The following NTM variants were observed in gnomAD, a reference collection of about 807,000 sequenced individuals.
NTM encodes IgLON family member 2.
In NTM, 13 loss-of-function variants were observed where a neutral mutation model predicts 42.1. That is an observed-to-expected ratio of 0.31 (90% CI 0.20 to 0.49). NTM has a LOEUF of 0.49. Ranked by LOEUF, NTM falls within the 20% of genes least tolerant of loss-of-function variation. NTM has a pLI of 0.99. For synonymous variants in NTM, 187 were observed against 179.2 expected (o/e 1.04, Z -0.35); for missense variants, 373 against 452.8 (o/e 0.82, Z 1.60).
At position 132,036,245 on chromosome 11, in the gene NTM, T is replaced by C. The variant is rs73587319; in HGVS notation, c.168-110037T>C. Among the ~76,000 whole-genome samples the C allele has an allele frequency of 2.3e-3, 354 of 152,276 alleles. 1 individual carries two copies. The highest frequency in any genetic ancestry group is 7.9e-3 in the African/African-American group (328 of 41,534). ...CTGTGATGCTATTTGTTCTCCTCAA[T>C]TGGCCTGGTGATAATAACAGCATGC... On this transcript the variant is annotated intron_variant, in intron 2 of 8. Transcript: ENST00000683400.
intron 1 of NTM, among the ~76,000 whole-genome samples, chr11:131,673,195 G>C (rs1255404524): frequency 1.3e-5 from 2 of 152,112 alleles, no homozygotes; most frequent in Non-Finnish European, 2.9e-5. Flanking sequence ...GGATCAAGAA[G>C]GTGACCCCAG....
At chr11:132,180,859 C>A (rs551146520) in intron 3 of NTM, among the ~76,000 whole-genome samples, 1 of 152,140 alleles carries the variant, frequency 6.6e-6, no homozygotes, top group South Asian at 2.1e-4. Context: ...TACTACCAGC[C>A]CCAGGCCAAC....
At chr11:131,715,547 C>T (rs1034960812) in intron 1 of NTM, among the ~76,000 whole-genome samples, 1 of 152,184 alleles carries the variant, frequency 6.6e-6, no homozygotes, top group African/African-American at 2.4e-5. Flanking sequence ...ATTTCGTGCA[C>T]ATTTGTGCAA....
At chr11:132,086,070 A>T (rs2136334466) in intron 2 of NTM, among the ~76,000 whole-genome samples, 1 of 152,272 alleles carries the variant, frequency 6.6e-6, no homozygotes, top group East Asian at 1.9e-4. Context: ...CACGCCTGTA[A>T]TCCCAGCACT....
chr11:131,585,498 C>G (rs896554352), intron 1 of NTM, among the ~76,000 whole-genome samples: 4 of 152,180 alleles, frequency 2.6e-5, no homozygotes, highest in African/African-American at 9.6e-5. Flanking sequence ...CCTCTCTGCC[C>G]GCAGAGGGCG....
At chr11:132,201,303 C>A (rs942035459) in intron 3 of NTM, among the ~76,000 whole-genome samples, 3 of 152,152 alleles carry the variant, frequency 2.0e-5, no homozygotes, top group African/African-American at 7.2e-5. Context: ...GGGAGAGAAG[C>A]AACTAATGGA....
chr11:131,375,217 G>T (rs1306348640), intron 1 of NTM, among the ~76,000 whole-genome samples: 4 of 152,108 alleles, frequency 2.6e-5, no homozygotes, highest in African/African-American at 7.2e-5. Context: ...TGCCCACCAG[G>T]CCGGGGAGCG....
chr11:131,496,108 C>G (rs964687745), intron 1 of NTM, among the ~76,000 whole-genome samples: 7 of 152,342 alleles, frequency 4.6e-5, no homozygotes, highest in Admixed American at 4.6e-4. Flanking sequence ...GGAAACAGAT[C>G]TCTCTCTTCC....
At chr11:131,906,855 G>T (rs1238261241) in intron 1 of NTM, among the ~76,000 whole-genome samples, 1 of 151,806 alleles carries the variant, frequency 6.6e-6, no homozygotes, top group Non-Finnish European at 1.5e-5. Context: ...TTGCACCTTT[G>T]CTCTTTCTGC....
In NTM at chr11:131,611,849, G is replaced by A. The variant is rs148156846; in HGVS notation, c.82+240961G>A. Among the ~76,000 whole-genome samples the A allele has an allele frequency of 1.6e-3, 240 of 152,280 alleles. 2 individuals are homozygous for A. The highest frequency in any genetic ancestry group is 5.4e-3 in the African/African-American group (226 of 41,572). On this transcript the variant is annotated intron_variant, in intron 1 of 8. Coordinates refer to ENST00000683400, the MANE Select transcript of NTM (RefSeq NM_001352005.2). ...GTGATTTACTTACATATCTGTGTTCGTGAACACATGTTTCTGAAGATGGTC... is the reference window on the plus strand; with the variant it reads ...GTGATTTACTTACATATCTGTGTTCATGAACACATGTTTCTGAAGATGGTC...
At chr11:131,827,483 G>T (rs1396626607) in intron 1 of NTM, among the ~76,000 whole-genome samples, 1 of 152,170 alleles carries the variant, frequency 6.6e-6, no homozygotes, top group Non-Finnish European at 1.5e-5. Flanking sequence ...GGGGTTAGTG[G>T]ATTCAGAATC....
chr11:131,466,596 C>T (rs1260798227), intron 1 of NTM, among the ~76,000 whole-genome samples: 1 of 152,172 alleles, frequency 6.6e-6, no homozygotes, highest in Non-Finnish European at 1.5e-5. Flanking sequence ...CTGCTAATCT[C>T]TCTCCCTAGC....
chr11:132,014,715 C>A (rs550946382), intron 2 of NTM, among the ~76,000 whole-genome samples: 5 of 142,224 alleles, frequency 3.5e-5, no homozygotes, highest in Admixed American at 7.0e-5. Flanking sequence ...ATCATTTACC[C>A]GCTTTTTAAG....
intron 2 of NTM, among the ~76,000 whole-genome samples, chr11:131,965,234 A>G (rs1182261399): frequency 1.3e-5 from 2 of 152,102 alleles, no homozygotes; most frequent in Non-Finnish European, 2.9e-5. Flanking sequence ...TGAATGAGGG[A>G]CGCACAGGCC....
chr11:132,052,383 T>C (rs1021128744), intron 2 of NTM, among the ~76,000 whole-genome samples: 2 of 152,144 alleles, frequency 1.3e-5, no homozygotes, highest in Non-Finnish European at 2.9e-5. Flanking sequence ...ACAGTGATGT[T>C]TGAGTACCAC....
At chr11:131,380,828 C>T (rs995068890) in intron 1 of NTM, among the ~76,000 whole-genome samples, 3 of 152,178 alleles carry the variant, frequency 2.0e-5, no homozygotes, top group East Asian at 1.9e-4. Context: ...TCTTCCTTAT[C>T]GTTTGCCTGA....
intron 2 of NTM, among the ~76,000 whole-genome samples, chr11:132,030,723 A>C (rs532942425): frequency 6.6e-6 from 1 of 152,342 alleles, no homozygotes; most frequent in East Asian, 1.9e-4. Context: ...AGAAGAAGAT[A>C]TGATTCTGAG....
At chr11:131,807,401 A>G (rs1027946859) in intron 1 of NTM, among the ~76,000 whole-genome samples, 3 of 152,232 alleles carry the variant, frequency 2.0e-5, no homozygotes, top group Admixed American at 6.5e-5. Context: ...GCTTTCTCCA[A>G]ATAGGAAAGT....
At chr11:131,939,387 G>A (rs2059562280) in intron 2 of NTM, among the ~76,000 whole-genome samples, 1 of 152,088 alleles carries the variant, frequency 6.6e-6, no homozygotes, top group South Asian at 2.1e-4. Flanking sequence ...TGAGGATTTT[G>A]GCAAGAGAGG....
Sources: allele counts gnomAD v4.1 joint callset (sites outside exome capture counted in the v4.1 genomes callset), GRCh38; gene constraint gnomAD v4.1.1; transcripts MANE v1.5; gene names NCBI Gene and HGNC (gene_info 2026-07-23, HGNC 2026-07-21).